The following STARD13 variants were observed in gnomAD, a reference collection of about 807,000 sequenced individuals.
The protein encoded by STARD13 is stAR-related lipid transfer protein 13.
Under a neutral mutation model 106.4 loss-of-function variants are expected in STARD13, and 62 were observed. That is an observed-to-expected ratio of 0.58 (90% CI 0.48 to 0.72). The LOEUF is 0.72. Among genes scored for constraint, STARD13 ranks in the 30% least tolerant of loss-of-function variants. The probability of loss-of-function intolerance (pLI) is 0.00; values close to 1 mark genes in which losing one functional copy is unlikely to be tolerated. For synonymous variants in STARD13, 565 were observed against 553.0 expected, an observed-to-expected ratio of 1.02 and a Z score of -0.31; for missense variants, 1,387 against 1,424.0, an observed-to-expected ratio of 0.97 and a Z score of 0.42.
At chr13:33,453,542 A>G in the STARD13 span, among the ~76,000 whole-genome samples, 1 of 152,200 alleles carries the variant, frequency 6.6e-6, no homozygotes, top group Non-Finnish European at 1.5e-5. Context: ...TTTGAATTTG[A>G]AAGCCACAGA....
At chr13:33,201,521 A>T (rs1219019457) in intron 1 of STARD13, among the ~76,000 whole-genome samples, 1 of 152,208 alleles carries the variant, frequency 6.6e-6, no homozygotes, top group African/African-American at 2.4e-5. Flanking sequence ...AGTTTTCTTC[A>T]TAGTATTTGA....
the STARD13 span, among the ~76,000 whole-genome samples, chr13:33,420,510 C>A: frequency 2.6e-5 from 4 of 152,150 alleles, no homozygotes; most frequent in Non-Finnish European, 5.9e-5. Context: ...TAATGGGAGA[C>A]TTTAACACCC....
chr13:33,405,057 G>C, the STARD13 span, among the ~76,000 whole-genome samples: 6 of 152,156 alleles, frequency 3.9e-5, no homozygotes, highest in Non-Finnish European at 7.4e-5. Flanking sequence ...GATTACAGGC[G>C]TGAGCCACCA....
At chr13:33,289,957 G>A (rs7333663), upstream of STARD13, among the ~76,000 whole-genome samples, 387 of 151,818 alleles carry the variant, frequency 2.5e-3, 1 homozygote, top group African/African-American at 8.2e-3. Context: ...CTAATGCTGC[G>A]TATGCCTTGA....
the STARD13 span, among the ~76,000 whole-genome samples, chr13:33,632,365 G>C: frequency 3.5e-4 from 53 of 152,286 alleles, no homozygotes; most frequent in African/African-American, 1.3e-3. Context: ...CCTTGTGAAT[G>C]AGTCTATGGT....
At chr13:33,110,171 C>T (rs757953251) in intron 11 of STARD13, 81 bp from the exon 12 acceptor site, 2 of 1,254,414 alleles carry the variant, frequency 1.6e-6, no homozygotes, top group Non-Finnish European at 1.1e-6. Context: ...TTTAGTTTTG[C>T]TATCATACCT....
the STARD13 span, among the ~76,000 whole-genome samples, chr13:33,562,181 C>T: frequency 3.1e-4 from 46 of 146,680 alleles, 5 homozygotes; most frequent in African/African-American, 1.1e-3. Flanking sequence ...TCAAAATTTA[C>T]AAGATCCAAA....
intron 4 of STARD13, among the ~76,000 whole-genome samples, chr13:33,131,388 C>T (rs548231474): frequency 1.3e-5 from 2 of 152,162 alleles, no homozygotes; most frequent in African/African-American, 4.8e-5. Context: ...CCAGCATCTT[C>T]CCCATCTAAA....
intron 1 of STARD13, among the ~76,000 whole-genome samples, chr13:33,312,258 G>A (rs577844587): frequency 7.4e-4 from 112 of 152,172 alleles, no homozygotes; most frequent in Non-Finnish European, 6.5e-4. Flanking sequence ...GTGTCCTAGG[G>A]ACAAAACGTT....
In STARD13 at chr13:33,109,866, G is replaced by C; in HGVS notation, c.3047+7C>G. On this transcript the variant is annotated splice_region_variant and intron_variant, in intron 12 of 13. Coordinates refer to ENST00000336934, the MANE Select transcript of STARD13 (RefSeq NM_178006.4). ...CAGAACATCATAAACCCTAGAGTCA[G>C]GCTCACCTGAGAACCACAAAGTCTC... 1 of 1,613,868 alleles carries C rather than the reference G, an allele frequency of 6.2e-7. No individual in the cohort carries two copies. Among genetic ancestry groups the C allele is most frequent in the Non-Finnish European group, 8.5e-7 (1 of 1,179,718 alleles).
intron 11 of STARD13, among the ~76,000 whole-genome samples, chr13:33,110,387 T>C (rs1266372675): frequency 6.6e-6 from 1 of 152,212 alleles, no homozygotes; most frequent in Non-Finnish European, 1.5e-5. Flanking sequence ...AGTGGTACTC[T>C]TACAATGTCC....
At chr13:33,399,586 G>A in the STARD13 span, among the ~76,000 whole-genome samples, 3 of 150,802 alleles carry the variant, frequency 2.0e-5, no homozygotes, top group East Asian at 3.9e-4. Flanking sequence ...CTGTAGTCCC[G>A]GCTACTTGGG....
chr13:33,567,416 C>G, the STARD13 span, among the ~76,000 whole-genome samples: 4 of 148,094 alleles, frequency 2.7e-5, no homozygotes, highest in South Asian at 2.1e-4. Context: ...TGTTGTGGAA[C>G]ACAAATTGAC....
the STARD13 span, among the ~76,000 whole-genome samples, chr13:33,603,328 G>A: frequency 1.8e-3 from 274 of 152,218 alleles, 3 homozygotes; most frequent in African/African-American, 5.0e-3. Context: ...GGCAATACTC[G>A]TTGTCTCAGG....
At chr13:33,156,012 T>C (rs1372982113) in intron 3 of STARD13, among the ~76,000 whole-genome samples, 1 of 152,222 alleles carries the variant, frequency 6.6e-6, no homozygotes, top group Non-Finnish European at 1.5e-5. Flanking sequence ...TTAGTATATA[T>C]TTAAAAACAC....
At chr13:33,460,749 A>G in the STARD13 span, among the ~76,000 whole-genome samples, 2 of 152,144 alleles carry the variant, frequency 1.3e-5, no homozygotes, top group Non-Finnish European at 2.9e-5. Context: ...ACAAAAAAAA[A>G]GGTGACCAAA....
chr13:33,545,065 C>T, the STARD13 span, among the ~76,000 whole-genome samples: 7 of 152,158 alleles, frequency 4.6e-5, no homozygotes, highest in Admixed American at 4.6e-4. Context: ...AGTGAGTCTT[C>T]TGCCTCAGCC....
intron 1 of STARD13, among the ~76,000 whole-genome samples, chr13:33,217,298 C>T (rs1036418383): frequency 6.6e-6 from 1 of 152,166 alleles, no homozygotes; most frequent in Non-Finnish European, 1.5e-5. Context: ...ACTGACATGC[C>T]ACTTGGGGAT....
the STARD13 span, among the ~76,000 whole-genome samples, chr13:33,412,521 AC>A: frequency 6.6e-6 from 1 of 152,220 alleles, no homozygotes; most frequent in East Asian, 1.9e-4. Flanking sequence ...CTAATTAAAG[AC>A]AAAAATTGAA....
Sources: gnomAD v4.1 joint callset for allele counts (sites outside exome capture counted in the v4.1 genomes callset) on GRCh38, gnomAD v4.1.1 for gene constraint, MANE v1.5 for transcripts, NCBI Gene and HGNC (gene_info 2026-07-23, HGNC 2026-07-21) for gene names.